WWTR1: variants seen among roughly 807,000 people sequenced by gnomAD.
The protein encoded by WWTR1 is WW domain containing transcription regulator 1, also known as WW domain-containing transcription regulator protein 1.
In WWTR1, 13 loss-of-function variants were observed where a neutral mutation model predicts 40.1. The ratio of observed to expected loss-of-function variants is 0.32; its 90% CI spans 0.21 to 0.52. WWTR1 has a LOEUF of 0.52. WWTR1 is among the 20% of genes least tolerant of loss of function. The pLI is 0.97. For synonymous variants in WWTR1, 230 were observed against 210.1 expected, an observed-to-expected ratio of 1.09 and a Z score of -0.82; for missense variants, 436 against 523.1, an observed-to-expected ratio of 0.83 and a Z score of 1.63.
intron 5 of WWTR1, among the ~76,000 whole-genome samples, chr3:149,713,770 G>A (rs1715530454): frequency 6.6e-6 from 1 of 152,252 alleles, no homozygotes; most frequent in Admixed American, 6.5e-5. Context: ...GGCATGGGCA[G>A]TAATGGAGGG....
intron 1 of WWTR1, among the ~76,000 whole-genome samples, chr3:149,694,343 G>A (rs754669612): frequency 7.2e-5 from 11 of 152,308 alleles, no homozygotes; most frequent in Non-Finnish European, 1.5e-4. Context: ...GCAGTGAGCC[G>A]AGATCGCATC....
intron 1 of WWTR1, among the ~76,000 whole-genome samples, chr3:149,680,019 C>T (rs1333942613): frequency 2.0e-5 from 3 of 152,190 alleles, no homozygotes; most frequent in Non-Finnish European, 4.4e-5. Flanking sequence ...GGGAAAGTTA[C>T]TTAACACTTC....
Position 149,657,106 on chromosome 3 carries a change from G to C in WWTR1, c.201C>G (p.Thr67=). ...GCCCCGGGTGGCCGCCCGACGAGTC[G>C]GTGCTGGACTGGCGCGAGTGCGAGC... ...DSGSHSRQSS[T]DSSGGHPGPR... Residue 67 remains threonine (T), a synonymous_variant, in exon 2 of 7, where the codon ACC becomes ACG. Coordinates refer to ENST00000360632, the MANE Select transcript of WWTR1 (RefSeq NM_015472.6). 6.3e-7 allele frequency: 1 copy of C among 1,581,450 alleles called. No individual in the cohort carries two copies. Among genetic ancestry groups the C allele is most frequent in the South Asian group, 1.1e-5 (1 of 87,836 alleles).
rs1188999575 is a variant in WWTR1, at chr3:149,519,517, A to G, written c.*1288T>C. 6.6e-6 allele frequency: 1 copy of G among 152,258 alleles called. No homozygotes were observed. Among genetic ancestry groups the G allele is most frequent in the Non-Finnish European group, 1.5e-5 (1 of 68,042 alleles). 9.4% of individuals were successfully genotyped at this position (152,258 alleles called of 1,614,324 possible). A position where few individuals can be genotyped will look rare whatever the true frequency, so the allele number is the denominator to read the frequency against. On this transcript the variant is annotated 3_prime_UTR_variant, in exon 7 of 7. Transcript: ENST00000360632. ...AACAGCTCACTGTGTGTGGTGTGCT[A>G]TCAGGTTGAAATCTATGTTGTCCTG...
chr3:149,538,409 C>A (rs536841410), intron 4 of WWTR1, among the ~76,000 whole-genome samples: 1 of 152,192 alleles, frequency 6.6e-6, no homozygotes, highest in East Asian at 1.9e-4. Context: ...AACTCTATCA[C>A]AGACAAAAGA....
intron 3 of WWTR1, among the ~76,000 whole-genome samples, chr3:149,554,471 A>G (rs1736736038): frequency 6.6e-6 from 1 of 152,236 alleles, no homozygotes; most frequent in African/African-American, 2.4e-5. Context: ...AATGTAGTCC[A>G]CACACCAGTG....
chr3:149,670,110 C>T (rs1714009570), intron 1 of WWTR1, among the ~76,000 whole-genome samples: 1 of 152,236 alleles, frequency 6.6e-6, no homozygotes, highest in Non-Finnish European at 1.5e-5. Context: ...CTGGGCTCAA[C>T]CCTTGGTAGA....
At chr3:149,693,062 T>C (rs1714874983) in intron 1 of WWTR1, among the ~76,000 whole-genome samples, 1 of 152,168 alleles carries the variant, frequency 6.6e-6, no homozygotes. Context: ...GCAGATGATA[T>C]GATCTTATAT....
At chr3:149,603,013 A>G (rs1012525159) in intron 2 of WWTR1, among the ~76,000 whole-genome samples, 1 of 151,480 alleles carries the variant, frequency 6.6e-6, no homozygotes, top group African/African-American at 2.4e-5. Flanking sequence ...TAAATAAATA[A>G]CCAGGCTTCT....
At chr3:149,536,644 ATTCCGAGGCCTCCCTCTTTTCTC>A (rs1212596658) in intron 4 of WWTR1, among the ~76,000 whole-genome samples, 2 of 152,050 alleles carry the variant, frequency 1.3e-5, no homozygotes, top group African/African-American at 4.8e-5. Context: ...TGCCAAAAGA[ATTCCGAGGCCTCCCTCTTTTCTC>A]GTCCCTGTTG....
chr3:149,589,922 T>A (rs1246883892), intron 2 of WWTR1, among the ~76,000 whole-genome samples: 1 of 152,172 alleles, frequency 6.6e-6, no homozygotes, highest in Non-Finnish European at 1.5e-5. Context: ...TAAGTACTCA[T>A]AAAACTAATC....
intron 1 of WWTR1, among the ~76,000 whole-genome samples, chr3:149,688,739 T>G (rs923019029): frequency 3.3e-5 from 5 of 152,096 alleles, no homozygotes; most frequent in Non-Finnish European, 5.9e-5. Flanking sequence ...CAGACATTGA[T>G]GAATATTCAC....
intron 2 of WWTR1, chr3:149,575,916 C>T (rs1413778183): frequency 1.8e-5 from 8 of 454,312 alleles, no homozygotes; most frequent in Non-Finnish European, 3.1e-5. Flanking sequence ...CTTGAAGTCC[C>T]AGCACTCCTG....
Position 149,590,949 on chromosome 3 carries a change from T to C in WWTR1, c.432-17949A>G, listed in dbSNP as rs1044997960. Among the ~76,000 whole-genome samples the C allele has an allele frequency of 5.3e-5, 8 of 151,138 alleles. 1 individual carries two copies. The highest frequency in any genetic ancestry group is 3.9e-4 in the East Asian group (2 of 5,148). Reference sequence around the variant, plus strand: ...ACACACCACCATCCCTCCTTGTCCCTCCTGAAACCCTTGAGTCACACAGTA... The same window carrying C: ...ACACACCACCATCCCTCCTTGTCCCCCCTGAAACCCTTGAGTCACACAGTA... On this transcript the variant is annotated intron_variant, in intron 2 of 6. Coordinates refer to ENST00000360632, the MANE Select transcript of WWTR1 (RefSeq NM_015472.6).
intron 1 of WWTR1, among the ~76,000 whole-genome samples, chr3:149,681,457 T>C (rs1023958366): frequency 5.3e-5 from 8 of 152,240 alleles, no homozygotes; most frequent in Non-Finnish European, 7.3e-5. Flanking sequence ...TTAATATACC[T>C]ATTGGCCATC....
At chr3:149,652,936 C>G (rs1236301215) in intron 2 of WWTR1, among the ~76,000 whole-genome samples, 2 of 152,072 alleles carry the variant, frequency 1.3e-5, no homozygotes, top group Non-Finnish European at 2.9e-5. Context: ...CATTGTTTTT[C>G]AACAAATGTC....
At chr3:149,531,339 C>A (rs1299314385) in intron 4 of WWTR1, among the ~76,000 whole-genome samples, 1 of 152,194 alleles carries the variant, frequency 6.6e-6, no homozygotes, top group Non-Finnish European at 1.5e-5. Flanking sequence ...TCTTAGGTCA[C>A]AAGTTATTCC....
chr3:149,613,121 C>G (rs187709755), intron 2 of WWTR1, among the ~76,000 whole-genome samples: 1 of 152,202 alleles, frequency 6.6e-6, no homozygotes, highest in Non-Finnish European at 1.5e-5. Context: ...AGAGACTACA[C>G]TCTGCTAGTG....
intron 2 of WWTR1, among the ~76,000 whole-genome samples, chr3:149,632,794 A>G (rs533701451): frequency 6.6e-6 from 1 of 152,368 alleles, no homozygotes; most frequent in Admixed American, 6.5e-5. Flanking sequence ...GCAATAAGCC[A>G]CTCATAAAAG....
Sources: allele counts gnomAD v4.1 joint callset (sites outside exome capture counted in the v4.1 genomes callset), GRCh38; gene constraint gnomAD v4.1.1; transcripts MANE v1.5; gene names NCBI Gene and HGNC (gene_info 2026-07-23, HGNC 2026-07-21).